Variants in SLC12A8 observed in about 807,000 individuals in gnomAD.
SLC12A8 encodes solute carrier family 12 member 8, also known as cation-chloride cotransporter 9.
Under a neutral mutation model 75.6 loss-of-function variants are expected in SLC12A8, and 69 were observed. The observed-to-expected ratio is 0.91, with a 90% CI of 0.75 to 1.11. The LOEUF is 1.11. SLC12A8 is among the 50% of genes most tolerant of loss of function. The pLI, the probability that SLC12A8 is intolerant of heterozygous loss-of-function variation, is 0.00. For synonymous variants in SLC12A8, 365 were observed against 372.8 expected (o/e 0.98, Z 0.24); for missense variants, 877 against 896.7 (o/e 0.98, Z 0.28).
chr3:125,203,527 TA>T (rs1935168089), intron 2 of SLC12A8, among the ~76,000 whole-genome samples: 1 of 152,182 alleles, frequency 6.6e-6, no homozygotes, highest in South Asian at 2.1e-4. Context: ...AGGAAAACTG[TA>T]TATCCACATG....
chr3:125,157,340 G>A (rs902180938), intron 5 of SLC12A8, among the ~76,000 whole-genome samples: 1 of 152,176 alleles, frequency 6.6e-6, no homozygotes, highest in Non-Finnish European at 1.5e-5. Flanking sequence ...GTGGGGCCAT[G>A]TTCCGATAAA....
intron 8 of SLC12A8, among the ~76,000 whole-genome samples, chr3:125,116,438 G>A (rs1234720257): frequency 6.6e-6 from 1 of 152,196 alleles, no homozygotes; most frequent in African/African-American, 2.4e-5. Context: ...GCCCCCAGCT[G>A]GCTAAGTGCT....
intron 10 of SLC12A8, among the ~76,000 whole-genome samples, chr3:125,096,495 A>G (rs892603098): frequency 6.6e-6 from 1 of 152,200 alleles, no homozygotes; most frequent in African/African-American, 2.4e-5. Flanking sequence ...TATTCCATAC[A>G]TGTGGGTGAA....
intron 5 of SLC12A8, among the ~76,000 whole-genome samples, chr3:125,167,274 C>T (rs972274889): frequency 6.6e-6 from 1 of 152,092 alleles, no homozygotes; most frequent in African/African-American, 2.4e-5. Context: ...CTCAGCCTCC[C>T]CAGTAGCTGG....
rs568123978 is a variant in SLC12A8 at position 125,159,810 on chromosome 3, T to C, written c.622+17933A>G. Among the ~76,000 whole-genome samples the C allele has an allele frequency of 2.0e-5, 3 of 152,370 alleles. No homozygotes were observed. In the East Asian group the frequency reaches 5.8e-4, roughly 29 times the overall value. On this transcript the variant is annotated intron_variant, in intron 5 of 13. Transcript: ENST00000469902. Reference sequence around the variant, plus strand: ...CTGGTCATCTAGAACCCCAGGCCTATGACGGCCCCTCCAGCTGCCCAGACA... The same window carrying C: ...CTGGTCATCTAGAACCCCAGGCCTACGACGGCCCCTCCAGCTGCCCAGACA...
intron 6 of SLC12A8, chr3:125,121,078 C>T: frequency 1.1e-5 from 6 of 548,076 alleles, no homozygotes; most frequent in Non-Finnish European, 1.9e-5. Context: ...TGCTCAGCAG[C>T]TTTCCCTGCC....
At chr3:125,177,507 GAAAAT>G (rs1934559920) in intron 5 of SLC12A8, among the ~76,000 whole-genome samples, 1 of 151,880 alleles carries the variant, frequency 6.6e-6, no homozygotes, top group Non-Finnish European at 1.5e-5. Flanking sequence ...ATTAAAAAAA[GAAAAT>G]AAAAGGACAC....
chr3:125,108,364 C>CTT (rs113688336), intron 9 of SLC12A8, among the ~76,000 whole-genome samples: 11 of 145,852 alleles, frequency 7.5e-5, no homozygotes, highest in Non-Finnish European at 1.1e-4. Context: ...GCATTAGCAA[C>CTT]TTTTTTTTTT....
rs369891886 is a variant in SLC12A8, at chr3:125,135,780, G to T, written c.625C>A (p.His209Asn). The T allele has an allele frequency of 6.3e-7, 1 of 1,594,514 alleles. No homozygotes were observed. The highest frequency in any genetic ancestry group is 8.6e-7 in the Non-Finnish European group (1 of 1,168,380). The change falls in exon 6 of 14, where the codon CAT becomes AAT. Residue 209 changes from histidine (H) to asparagine (N), a missense_variant and splice_region_variant. By Grantham distance (68) the His-to-Asn change is moderately conservative (BLOSUM62 1). Transcript: ENST00000469902. ...TCGGGTGAATATCCAATGAAACCAT[G>T]TTCTGAAATAAAGCAATGGAGAGCA... ...VGSFTHLDPEHGFIGYSPELL... is the reference protein window; with the variant it reads ...VGSFTHLDPENGFIGYSPELL...
chr3:125,138,575 A>C (rs997616320), intron 5 of SLC12A8, among the ~76,000 whole-genome samples: 1 of 152,224 alleles, frequency 6.6e-6, no homozygotes, highest in African/African-American at 2.4e-5. Flanking sequence ...TAGTATAAAT[A>C]CAAAAAAAGG....
At chr3:125,101,319 A>G (rs534445714) in intron 10 of SLC12A8, among the ~76,000 whole-genome samples, 1 of 152,356 alleles carries the variant, frequency 6.6e-6, no homozygotes, top group African/African-American at 2.4e-5. Flanking sequence ...GGCACATAGG[A>G]TGTGCTCAGT....
At chr3:125,091,072 C>T (rs1938567916) in intron 12 of SLC12A8, among the ~76,000 whole-genome samples, 1 of 152,016 alleles carries the variant, frequency 6.6e-6, no homozygotes, top group Non-Finnish European at 1.5e-5. Flanking sequence ...GTTGTGTTAT[C>T]TTAGGTTGCT....
intron 5 of SLC12A8, among the ~76,000 whole-genome samples, chr3:125,153,261 A>G (rs1933974502): frequency 6.6e-6 from 1 of 152,162 alleles, no homozygotes; most frequent in Non-Finnish European, 1.5e-5. Flanking sequence ...CGGCAATAAT[A>G]TGGGATTCCT....
At chr3:125,094,644 C>T (rs1454339837) in intron 10 of SLC12A8, among the ~76,000 whole-genome samples, 8 of 152,200 alleles carry the variant, frequency 5.3e-5, no homozygotes, top group Non-Finnish European at 1.5e-5. Flanking sequence ...TACAAATATA[C>T]TGTCTTCTCT....
chr3:125,159,300 T>C (rs1015251660), intron 5 of SLC12A8, among the ~76,000 whole-genome samples: 2 of 152,174 alleles, frequency 1.3e-5, no homozygotes, highest in East Asian at 3.9e-4. Flanking sequence ...CTCACTATGT[T>C]GCCCAGGCTA....
chr3:125,178,372 T>G (rs116785220), intron 4 of SLC12A8, among the ~76,000 whole-genome samples: 2 of 152,162 alleles, frequency 1.3e-5, no homozygotes, highest in Admixed American at 6.6e-5. Flanking sequence ...AAAAGGACAC[T>G]GCAGTAAACC....
At chr3:125,205,300 T>C (rs1049092648) in intron 2 of SLC12A8, among the ~76,000 whole-genome samples, 2 of 152,194 alleles carry the variant, frequency 1.3e-5, no homozygotes, top group African/African-American at 4.8e-5. Context: ...AACAGAAATC[T>C]TTCAGTGGCA....
chr3:125,165,446 C>T (rs552182044), intron 5 of SLC12A8, among the ~76,000 whole-genome samples: 1 of 152,348 alleles, frequency 6.6e-6, no homozygotes, highest in African/African-American at 2.4e-5. Flanking sequence ...CTGGCAAAGA[C>T]ATGTAGATGC....
chr3:125,127,563 A>G (rs1166127637), intron 6 of SLC12A8, among the ~76,000 whole-genome samples: 1 of 152,216 alleles, frequency 6.6e-6, no homozygotes, highest in Non-Finnish European at 1.5e-5. Flanking sequence ...TTGAAAGTAC[A>G]AAATTATGAA....
Sources: allele counts gnomAD v4.1 joint callset (sites outside exome capture counted in the v4.1 genomes callset), GRCh38; gene constraint gnomAD v4.1.1; transcripts MANE v1.5; gene names NCBI Gene and HGNC (gene_info 2026-07-23, HGNC 2026-07-21).